PMS2: variants seen among roughly 807,000 people sequenced by gnomAD.
PMS2 encodes the protein mismatch repair endonuclease PMS2.
Under a neutral mutation model 90.0 loss-of-function variants are expected in PMS2, and 69 were observed. The ratio of observed to expected loss-of-function variants is 0.77; its 90% CI spans 0.63 to 0.94. PMS2 has a LOEUF of 0.94. Among genes scored for constraint, PMS2 ranks in the 40% least tolerant of loss-of-function variants. The pLI is 0.00. For synonymous variants in PMS2, 332 were observed against 375.1 expected, an observed-to-expected ratio of 0.89 and a Z score of 1.33; for missense variants, 966 against 1,040.2, an observed-to-expected ratio of 0.93 and a Z score of 0.98.
At chr7:6,000,800 A>G (rs1785004129) in intron 5 of PMS2, among the ~76,000 whole-genome samples, 1 of 152,030 alleles carries the variant, frequency 6.6e-6, no homozygotes, top group Non-Finnish European at 1.5e-5. Flanking sequence ...AGACCAGGCT[A>G]GCCAACATGG....
In PMS2 at chr7:5,997,418, T is replaced by C. The variant is rs368608818; in HGVS notation, c.711A>G (p.Gln237=). ...IGSVFGQKQL[Q]SLIPFVQLPP... ...GCAGCTGAACAAAAGGAATGAGGCT[T>C]TGCAACTGAAAAAAAAAAAAAAAAA... is the stretch of plus-strand genomic sequence containing the variant. Residue 237 remains glutamine, a synonymous_variant, in exon 7 of 15, where the codon CAA becomes CAG. Transcript: ENST00000265849. The C allele has an allele frequency of 2.8e-5, 44 of 1,546,386 alleles. No homozygotes were observed. Among genetic ancestry groups the C allele is most frequent in the Non-Finnish European group, 3.8e-5 (43 of 1,134,640 alleles).
At chr7:5,997,445 T>C (rs2128789207) in intron 6 of PMS2, 22 bp from the exon 7 acceptor site, 1 of 1,147,818 alleles carries the variant, frequency 8.7e-7, no homozygotes, top group Non-Finnish European at 1.3e-6. Flanking sequence ...AAAAAAAAAT[T>C]CACAGTTACT....
intron 5 of PMS2, among the ~76,000 whole-genome samples, chr7:6,000,377 TAAAAAA>T (rs67186373): frequency 1.6e-5 from 2 of 122,814 alleles, no homozygotes; most frequent in South Asian, 2.7e-4. Flanking sequence ...CTGTCTCAAT[TAAAAAA>T]AAAAAAAAAA....
intron 1 of PMS2, among the ~76,000 whole-genome samples, chr7:6,008,666 G>C (rs969021662): frequency 1.3e-5 from 2 of 152,208 alleles, no homozygotes; most frequent in African/African-American, 4.8e-5. Context: ...AATGCATTCA[G>C]TCTATGGGGA....
rs142434011 is a variant in PMS2, at chr7:5,997,378, C to A, written c.751G>T (p.Val251Leu). Residue 251 changes from valine (V) to leucine (L), a missense_variant, in exon 7 of 15, where the codon GTG becomes TTG. Transcript: ENST00000265849. ...CAGCTCAAACCGTACTCTTCACACA[C>A]GGAGTCACTAGGGGGCAGCTGAACA... Reference protein sequence around the residue: ...PFVQLPPSDSVCEEYGLSCSD... With the variant: ...PFVQLPPSDSLCEEYGLSCSD... The A allele has an allele frequency of 6.2e-7, 1 of 1,606,006 alleles. No homozygotes were observed. Among genetic ancestry groups the A allele is most frequent in the South Asian group, 1.1e-5 (1 of 90,654 alleles).
chr7:6,000,550 A>G (rs1486423608), intron 5 of PMS2, among the ~76,000 whole-genome samples: 1 of 152,174 alleles, frequency 6.6e-6, no homozygotes, highest in Non-Finnish European at 1.5e-5. Context: ...AAAGATATAC[A>G]AACTGTAAAT....
At position 6,009,013 on chromosome 7, in the gene PMS2, G is replaced by C. The variant is rs763939668; in HGVS notation, c.7C>G (p.Arg3Gly). ME[R>G]AESSSTEPAK... is the part of the protein sequence containing the mutation. ...CCCGCTCACCTCGAGCTCTCAGCTCGCTCCATGGATGCAACACCCGATCCG... is the reference window on the plus strand; with the variant it reads ...CCCGCTCACCTCGAGCTCTCAGCTCCCTCCATGGATGCAACACCCGATCCG... Residue 3 changes from arginine (R) to glycine (G), a missense_variant, in exon 1 of 15, where the codon CGA becomes GGA. By Grantham distance (125) the Arg-to-Gly change is moderately radical (BLOSUM62 -2). Transcript: ENST00000265849. 1.9e-6 allele frequency: 3 copies of C among 1,612,530 alleles called. No homozygotes were observed. The highest frequency in any genetic ancestry group is 2.2e-5 in the South Asian group (2 of 91,012).
At chr7:6,000,952 C>T (rs1785022023) in intron 5 of PMS2, among the ~76,000 whole-genome samples, 1 of 152,140 alleles carries the variant, frequency 6.6e-6, no homozygotes, top group Non-Finnish European at 1.5e-5. Flanking sequence ...GATCGCACCA[C>T]TGCACTCCAG....
intron 5 of PMS2, among the ~76,000 whole-genome samples, chr7:6,000,417 T>C (rs554909121): frequency 6.7e-6 from 1 of 149,940 alleles, no homozygotes; most frequent in Admixed American, 6.7e-5. Flanking sequence ...TTCAACCACA[T>C]ACAATTCTGT....
intron 2 of PMS2, 49 bp from the exon 3 acceptor site, chr7:6,004,107 A>C (rs1785439372): frequency 1.0e-6 from 1 of 981,918 alleles, no homozygotes; most frequent in African/African-American, 1.6e-5. Context: ...GACCCATGCT[A>C]TCAGTTTTTA....
chr7:6,002,412 A>G lies in PMS2; in HGVS notation c.537+41T>C, dbSNP rs536288820. 141 of 1,307,138 alleles carry G rather than the reference A, an allele frequency of 1.1e-4. No individual in the cohort carries two copies. The South Asian group carries it at 1.6e-3, about 15-fold the overall frequency. 81.0% of individuals were successfully genotyped at this position (1,307,138 alleles called of 1,614,324 possible). A position where few individuals can be genotyped will look rare whatever the true frequency, so the allele number is the denominator to read the frequency against. On this transcript the variant is annotated intron_variant, in intron 5 of 14. Coordinates refer to ENST00000265849, the MANE Select transcript of PMS2 (RefSeq NM_000535.7). ...TTTAGTAAATCTTTTGCTCATGTGC[A>G]TTAACCAATACTCTTGAAAACCAGG...
At chr7:5,978,998 C>A (rs554699837) in intron 12 of PMS2, among the ~76,000 whole-genome samples, 7 of 148,418 alleles carry the variant, frequency 4.7e-5, no homozygotes, top group Admixed American at 4.7e-4. Context: ...AGTTTGAGAC[C>A]GGCCTGGTCA....
Position 5,977,776 on chromosome 7 carries a change from G to T in PMS2, c.2276-19C>A. On this transcript the variant is annotated intron_variant, in intron 13 of 14. Coordinates refer to ENST00000265849, the MANE Select transcript of PMS2 (RefSeq NM_000535.7). ...ACTGGAGCTAAAAGAATACAATTTTGAGAAAAATCCATGACTTGACAAACA... is the reference window on the plus strand; with the variant it reads ...ACTGGAGCTAAAAGAATACAATTTTTAGAAAAATCCATGACTTGACAAACA... 1 of 1,591,520 alleles carries T rather than the reference G, an allele frequency of 6.3e-7. No homozygotes were observed. Among genetic ancestry groups the T allele is most frequent in the Non-Finnish European group, 8.6e-7 (1 of 1,161,858 alleles).
At chr7:6,002,021 AT>A (rs1785140839) in intron 5 of PMS2, 1 of 150,938 alleles carries the variant, frequency 6.6e-6, no homozygotes, top group African/African-American at 2.4e-5. Flanking sequence ...AAAATAAAAA[AT>A]ATATATATAT....
At chr7:5,988,766 TGA>T (rs1449835837) in intron 10 of PMS2, among the ~76,000 whole-genome samples, 6 of 152,102 alleles carry the variant, frequency 3.9e-5, no homozygotes, top group Non-Finnish European at 8.8e-5. Flanking sequence ...AACAAAATAA[TGA>T]GAGAAAGAAA....
At chr7:5,984,321 A>T (rs1362855195) in intron 11 of PMS2, among the ~76,000 whole-genome samples, 1 of 151,814 alleles carries the variant, frequency 6.6e-6, no homozygotes, top group Non-Finnish European at 1.5e-5. Flanking sequence ...TAACTTAGTC[A>T]ATCTGGACAA....
rs267608151 is a variant in PMS2, at chr7:5,995,643, A to G, written c.804-10T>C. ...AATGAAACCTGAGATGCTATTCAAC[A>G]TTAATATGGTAAGGGCAGGATTCCA... On this transcript the variant is annotated splice_polypyrimidine_tract_variant and intron_variant, in intron 7 of 14. Coordinates refer to ENST00000265849, the MANE Select transcript of PMS2 (RefSeq NM_000535.7). 1.9e-6 allele frequency: 3 copies of G among 1,570,094 alleles called. No individual in the cohort carries two copies. Among genetic ancestry groups the G allele is most frequent in the Non-Finnish European group, 2.6e-6 (3 of 1,139,770 alleles).
chr7:6,000,621 T>G (rs1429658625), intron 5 of PMS2, among the ~76,000 whole-genome samples: 1 of 152,152 alleles, frequency 6.6e-6, no homozygotes, highest in Non-Finnish European at 1.5e-5. Flanking sequence ...GCACTAATTT[T>G]TTTACCATAA....
At chr7:5,994,260 A>C (rs1784113071) in intron 8 of PMS2, among the ~76,000 whole-genome samples, 1 of 151,942 alleles carries the variant, frequency 6.6e-6, no homozygotes, top group South Asian at 2.1e-4. Context: ...GCGCGCCTGT[A>C]ATCCCAGCTA....
Sources: gnomAD v4.1 joint callset for allele counts (sites outside exome capture counted in the v4.1 genomes callset) on GRCh38, gnomAD v4.1.1 for gene constraint, MANE v1.5 for transcripts, NCBI Gene and HGNC (gene_info 2026-07-23, HGNC 2026-07-21) for gene names.